CNTLN: variants seen among roughly 807,000 people sequenced by gnomAD.
CNTLN encodes centlein, centrosomal protein.
A neutral mutation model predicts 180.0 loss-of-function variants in CNTLN; 212 were observed. The observed-to-expected ratio is 1.18, with a 90% confidence interval of 1.05 to 1.32. CNTLN has a LOEUF of 1.32. CNTLN is among the 40% of genes most tolerant of loss of function. The pLI, the probability that CNTLN is intolerant of heterozygous loss-of-function variation, is 0.00. For synonymous variants in CNTLN, 722 were observed against 563.1 expected (o/e 1.28, Z -3.99); for missense variants, 2,095 against 1,610.9 (o/e 1.30, Z -5.14).
In CNTLN at chr9:17,135,414, G is replaced by A; in HGVS notation, c.349G>A (p.Ala117Thr). 1.9e-6 allele frequency: 3 copies of A among 1,596,590 alleles called. No individual in the cohort carries two copies. The highest frequency in any genetic ancestry group is 2.6e-6 in the Non-Finnish European group (3 of 1,172,908). Residue 117 changes from alanine (A) to threonine (T), a missense_variant, in exon 1 of 26, where the codon GCC becomes ACC. Ala to Thr is a moderately conservative substitution (Grantham distance 58). Transcript: ENST00000380647. ...EELSSLKEEL[A>T]LCQADKEFVW... The stretch of plus-strand genomic sequence containing the variant: ...GCTGAGCAGCCTAAAGGAGGAGTTG[G>A]CCCTGTGTCAGGTATCGAGGAGTCT...
At chr9:17,229,081 C>G (rs1824653183) in intron 3 of CNTLN, among the ~76,000 whole-genome samples, 1 of 151,690 alleles carries the variant, frequency 6.6e-6, no homozygotes, top group South Asian at 2.1e-4. Flanking sequence ...ATTTTGAGAA[C>G]AAGATATTTA....
intron 1 of CNTLN, among the ~76,000 whole-genome samples, chr9:17,141,657 GGC>G (rs1563813746): frequency 1.3e-5 from 2 of 152,174 alleles, no homozygotes; most frequent in African/African-American, 4.8e-5. Context: ...TACATAGCTG[GGC>G]AAGAGACGGA....
chr9:17,323,797 A>G (rs150725851), intron 8 of CNTLN, among the ~76,000 whole-genome samples: 1 of 152,346 alleles, frequency 6.6e-6, no homozygotes, highest in East Asian at 1.9e-4. Flanking sequence ...TCTTCTTGCT[A>G]ATAATTTATC....
At chr9:17,417,647 G>C (rs1438453281) in intron 18 of CNTLN, among the ~76,000 whole-genome samples, 1 of 151,960 alleles carries the variant, frequency 6.6e-6, no homozygotes, top group African/African-American at 2.4e-5. Flanking sequence ...CTTGGAAAAG[G>C]ATTTTCTTCA....
intron 8 of CNTLN, among the ~76,000 whole-genome samples, chr9:17,327,005 A>G (rs1409535197): frequency 1.3e-5 from 2 of 152,168 alleles, no homozygotes; most frequent in Non-Finnish European, 1.5e-5. Context: ...CTAATAATGT[A>G]TGAATATTGG....
intron 5 of CNTLN, among the ~76,000 whole-genome samples, chr9:17,242,838 G>C (rs1006091877): frequency 6.6e-6 from 1 of 152,112 alleles, no homozygotes; most frequent in Non-Finnish European, 1.5e-5. Flanking sequence ...TCTGGCTTTA[G>C]TATCAGGGTA....
intron 6 of CNTLN, among the ~76,000 whole-genome samples, chr9:17,289,898 G>T (rs9407802): frequency 0.36 from 40,248 of 111,454 alleles, 8,278 homozygotes; most frequent in South Asian, 0.49. Flanking sequence ...GTTATTCTAG[G>T]TATACATTCT....
Position 17,466,128 on chromosome 9 carries a change from TA to T in CNTLN, c.3669+15del, listed in dbSNP as rs1267599525. The stretch of plus-strand genomic sequence containing the variant: ...GGAGTTAGAAAAAAAGGTATGCTTT[TA>T]AAAAGGGCATTTTAGATTACAGATG... On this transcript the variant is annotated intron_variant, in intron 22 of 25. Coordinates refer to ENST00000380647, the MANE Select transcript of CNTLN (RefSeq NM_017738.4). 2.5e-6 allele frequency: 4 copies of T among 1,591,036 alleles called. No homozygotes were observed. Among genetic ancestry groups the T allele is most frequent in the Middle Eastern group, 3.4e-4 (2 of 5,814 alleles).
At chr9:17,298,043 C>T in intron 6 of CNTLN, 147 bp from the exon 7 acceptor site, 1 of 499,556 alleles carries the variant, frequency 2.0e-6, no homozygotes, top group Non-Finnish European at 3.3e-6. Context: ...TTAAATATGT[C>T]ATTATTTCTT....
intron 5 of CNTLN, among the ~76,000 whole-genome samples, chr9:17,265,355 G>A (rs1462834924): frequency 3.3e-5 from 5 of 152,142 alleles, no homozygotes; most frequent in South Asian, 2.1e-4. Context: ...ATTGATTTGC[G>A]TATGTTGTAA....
At chr9:17,354,398 T>C (rs7858530) in intron 12 of CNTLN, among the ~76,000 whole-genome samples, 90,530 of 152,084 alleles carry the variant, frequency 0.6, 27,192 homozygotes, top group East Asian at 0.73. Flanking sequence ...CAGCTGGGCT[T>C]CTGAGTCTGG....
chr9:17,492,690 C>T lies in CNTLN; in HGVS notation c.4119+5624C>T, dbSNP rs543662340. 5.3e-5 allele frequency among the ~76,000 whole-genome samples: 8 copies of T among 152,262 alleles called. No individual in the cohort carries two copies. The East Asian group carries it at 1.5e-3, about 29-fold the overall frequency. On this transcript the variant is annotated intron_variant, in intron 25 of 25. Coordinates refer to ENST00000380647, the MANE Select transcript of CNTLN (RefSeq NM_017738.4). Reference sequence around the variant, plus strand: ...AAAACGCTATGGCAGTTCCTCCACACATTAAGCATAGAGTTACCATATTAT... The same window carrying T: ...AAAACGCTATGGCAGTTCCTCCACATATTAAGCATAGAGTTACCATATTAT...
At chr9:17,209,926 C>G (rs1823174368) in intron 2 of CNTLN, among the ~76,000 whole-genome samples, 1 of 152,114 alleles carries the variant, frequency 6.6e-6, no homozygotes, top group Non-Finnish European at 1.5e-5. Flanking sequence ...AAATATTTTT[C>G]CATCTTTATG....
chr9:17,335,752 A>C (rs553101502), intron 10 of CNTLN, among the ~76,000 whole-genome samples: 51 of 152,110 alleles, frequency 3.4e-4, no homozygotes, highest in African/African-American at 1.2e-3. Context: ...AGCCTGGACA[A>C]CATGGCAAAA....
chr9:17,186,317 C>G (rs1563859984), intron 2 of CNTLN, among the ~76,000 whole-genome samples: 1 of 152,054 alleles, frequency 6.6e-6, no homozygotes, highest in Non-Finnish European at 1.5e-5. Flanking sequence ...CTCAGCATGT[C>G]TCTTTAGAAA....
At chr9:17,512,881 A>G in the CNTLN span, among the ~76,000 whole-genome samples, 1 of 152,094 alleles carries the variant, frequency 6.6e-6, no homozygotes, top group Non-Finnish European at 1.5e-5. Context: ...TGGTGGCGCG[A>G]TCTCAGCTCA....
chr9:17,179,328 A>C (rs1300459274), intron 2 of CNTLN, among the ~76,000 whole-genome samples: 2 of 151,780 alleles, frequency 1.3e-5, no homozygotes, highest in Non-Finnish European at 2.9e-5. Context: ...TAATTTTATA[A>C]ATTTTCCTCT....
At chr9:17,269,747 A>T (rs1827798173) in intron 5 of CNTLN, among the ~76,000 whole-genome samples, 1 of 152,112 alleles carries the variant, frequency 6.6e-6, no homozygotes. Context: ...TGAGTGGAAT[A>T]TTCTGTATTA....
chr9:17,253,303 A>G (rs967315997), intron 5 of CNTLN, among the ~76,000 whole-genome samples: 12 of 151,644 alleles, frequency 7.9e-5, no homozygotes, highest in African/African-American at 2.9e-4. Flanking sequence ...TATTTCTGTG[A>G]AAAATGATGT....
Sources: gnomAD v4.1 joint callset for allele counts (sites outside exome capture counted in the v4.1 genomes callset) on GRCh38, gnomAD v4.1.1 for gene constraint, MANE v1.5 for transcripts, NCBI Gene and HGNC (gene_info 2026-07-23, HGNC 2026-07-21) for gene names.